The following OR2G6 variants were observed in gnomAD, a reference collection of about 807,000 sequenced individuals.
OR2G6 encodes the protein olfactory receptor 2G6.
For missense variants in OR2G6, 457 were observed against 391.3 expected, an observed-to-expected ratio of 1.17 and a Z score of -1.42; for synonymous variants, 183 against 155.2, an observed-to-expected ratio of 1.18 and a Z score of -1.33.
At position 248,526,814 on chromosome 1, in the gene OR2G6, A is replaced by C. The variant is rs1659133097; in HGVS notation, c.*4217A>C. On this transcript the variant is annotated 3_prime_UTR_variant, in exon 2 of 2. Transcript: ENST00000641804. ...AATATCTTTTGAGAAGTGTCTGTTC[A>C]TATCTTTCGCCCACTTTTTGATGGG... 6.6e-6 allele frequency: 1 copy of C among 150,826 alleles called. No individual in the cohort carries two copies. Among genetic ancestry groups the C allele is most frequent in the South Asian group, 2.1e-4 (1 of 4,776 alleles). 9.3% of individuals were successfully genotyped at this position (150,826 alleles called of 1,614,324 possible).
At position 248,520,468 on chromosome 1, in the gene OR2G6, TTATACA is replaced by T. The variant is rs1289001507; in HGVS notation, c.-36-1138_-36-1133del. ...CGATGTAATTCTACTTAGACAACTC[TTATACA>T]TATAGAGTAACATGTACACACATTT... On this transcript the variant is annotated intron_variant, in intron 1 of 1. Transcript: ENST00000641804. Among the ~76,000 whole-genome samples, 4 of 152,218 alleles carry T rather than the reference TTATACA, an allele frequency of 2.6e-5. No homozygotes were observed. In the East Asian group the frequency reaches 5.8e-4, roughly 22 times the overall value.
chr1:248,521,937 T>G lies in OR2G6; in HGVS notation c.291T>G (p.Cys97Trp). ...KKDKTMSYGG[C>W]VAQLYVAMGL... ...ACAAAACCATGAGCTACGGTGGCTGTGTGGCCCAGCTCTATGTGGCCATGG... is the reference window on the plus strand; with the variant it reads ...ACAAAACCATGAGCTACGGTGGCTGGGTGGCCCAGCTCTATGTGGCCATGG... The change falls in exon 2 of 2, where the codon TGT becomes TGG. Residue 97 changes from cysteine (C) to tryptophan (W), a missense_variant. By Grantham distance (215) the Cys-to-Trp change is radical (BLOSUM62 -2). Coordinates refer to ENST00000641804, the MANE Select transcript of OR2G6 (RefSeq NM_001013355.2). 6.2e-7 allele frequency: 1 copy of G among 1,614,150 alleles called. No individual in the cohort carries two copies. Among genetic ancestry groups the G allele is most frequent in the Non-Finnish European group, 8.5e-7 (1 of 1,180,024 alleles).
At chr1:248,519,462 T>A (rs547327271) in intron 1 of OR2G6, among the ~76,000 whole-genome samples, 2 of 151,372 alleles carry the variant, frequency 1.3e-5, no homozygotes, top group South Asian at 4.2e-4. Context: ...TTTATTGTTT[T>A]AGGTCTAACA....
rs976708946 is a variant in OR2G6, at chr1:248,527,019, G to C, written c.*4422G>C. On this transcript the variant is annotated 3_prime_UTR_variant, in exon 2 of 2. Coordinates refer to ENST00000641804, the MANE Select transcript of OR2G6 (RefSeq NM_001013355.2). Reference sequence around the variant, plus strand: ...AATTAGATCCCATTTGTCAATTTTGGCTTTTGTTGCCATTGCTTTTGGTGT... The same window carrying C: ...AATTAGATCCCATTTGTCAATTTTGCCTTTTGTTGCCATTGCTTTTGGTGT... 1 of 151,986 alleles carries C rather than the reference G, an allele frequency of 6.6e-6. No homozygotes were observed. Among genetic ancestry groups the C allele is most frequent in the African/African-American group, 2.4e-5 (1 of 41,364 alleles). The allele number at this position is 151,986 out of a possible 1,614,324, so 9.4% of individuals were successfully genotyped here. A position where few individuals can be genotyped will look rare whatever the true frequency, so the allele number is the denominator to read the frequency against.
At chr1:248,519,972 G>C (rs1247908663) in intron 1 of OR2G6, among the ~76,000 whole-genome samples, 3 of 4,174 alleles carry the variant, frequency 7.2e-4, no homozygotes, top group East Asian at 0.05. Context: ...AAGTCACATG[G>C]ACACATGTTT....
Position 248,508,958 on chromosome 1 carries a change from T to C in OR2G6, c.-37+529T>C, listed in dbSNP as rs1028065854. On this transcript the variant is annotated intron_variant, in intron 1 of 1. Coordinates refer to ENST00000641804, the MANE Select transcript of OR2G6 (RefSeq NM_001013355.2). The stretch of plus-strand genomic sequence containing the variant: ...TCCAGGTGATTATTGTAGCAAAACA[T>C]TTTAAGTTTTATTGAGATCGTTTGT... Among the ~76,000 whole-genome samples, 25 of 128,066 alleles carry C rather than the reference T, an allele frequency of 2.0e-4. 1 individual carries two copies. Among genetic ancestry groups the C allele is most frequent in the Admixed American group, 1.0e-3 (13 of 12,868 alleles). 84.0% of individuals were successfully genotyped at this position (128,066 alleles called of 152,430 possible).
rs370213386 is a variant in OR2G6, at chr1:248,525,058, ATTT to A, written c.*2464_*2466del. ...CATCATACATGTATAATTTCATACT[ATTT>A]TTATTTATAATGTGAGCATTTTTCT... On this transcript the variant is annotated 3_prime_UTR_variant, in exon 2 of 2. Transcript: ENST00000641804. 2.0e-5 allele frequency: 3 copies of A among 152,136 alleles called. No individual in the cohort carries two copies. The highest frequency in any genetic ancestry group is 6.5e-5 in the Admixed American group (1 of 15,282). 9.4% of individuals were successfully genotyped at this position (152,136 alleles called of 1,614,324 possible).
rs1428259508 is a variant in OR2G6 at position 248,520,443 on chromosome 1, C to T, written c.-36-1168C>T. ...TTAAAAAAAAGTTTGCTTTGGCTTT[C>T]GATGTAATTCTACTTAGACAACTCT... On this transcript the variant is annotated intron_variant, in intron 1 of 1. Transcript: ENST00000641804. 6.6e-5 allele frequency among the ~76,000 whole-genome samples: 10 copies of T among 152,182 alleles called. No individual in the cohort carries two copies. The East Asian group carries it at 9.6e-4, about 15-fold the overall frequency.
intron 1 of OR2G6, among the ~76,000 whole-genome samples, chr1:248,520,310 G>C (rs190107467): frequency 6.6e-6 from 1 of 152,130 alleles, no homozygotes; most frequent in Non-Finnish European, 1.5e-5. Context: ...ATAGCATTAG[G>C]AGAAATACCT....
At position 248,523,095 on chromosome 1, in the gene OR2G6, CCATA is replaced by C; in HGVS notation, c.*499_*502del. On this transcript the variant is annotated 3_prime_UTR_variant, in exon 2 of 2. Coordinates refer to ENST00000641804, the MANE Select transcript of OR2G6 (RefSeq NM_001013355.2). ...GAATTAACTGTTTCATAATATGTTT[CCATA>C]GCACTTGATCCACACTACCATTTCT... The C allele has an allele frequency of 6.4e-6, 1 of 156,110 alleles. No individual in the cohort carries two copies. Among genetic ancestry groups the C allele is most frequent in the Admixed American group, 6.2e-5 (1 of 16,114 alleles). 9.7% of individuals were successfully genotyped at this position (156,110 alleles called of 1,614,324 possible). A position where few individuals can be genotyped will look rare whatever the true frequency, so the allele number is the denominator to read the frequency against.
chr1:248,520,855 AAT>A (rs1553328184), intron 1 of OR2G6, among the ~76,000 whole-genome samples: 5 of 90,566 alleles, frequency 5.5e-5, no homozygotes, highest in African/African-American at 1.6e-4. Flanking sequence ...ACTAAAAAAA[AAT>A]ATATATATAT....
At position 248,521,964 on chromosome 1, in the gene OR2G6, G is replaced by T. The variant is rs756883041; in HGVS notation, c.318G>T (p.Gly106=). The T allele has an allele frequency of 2.0e-5, 32 of 1,614,154 alleles. No homozygotes were observed. The highest frequency in any genetic ancestry group is 2.7e-5 in the Non-Finnish European group (32 of 1,180,024). Residue 106 remains glycine (G), a synonymous_variant, in exon 2 of 2, where the codon GGG becomes GGT. Coordinates refer to ENST00000641804, the MANE Select transcript of OR2G6 (RefSeq NM_001013355.2). ...GCVAQLYVAM[G]LGSSECILLA... is the part of the protein sequence containing the mutation. ...TGGCCCAGCTCTATGTGGCCATGGG[G>T]TTGGGCTCGTCTGAGTGTATTCTCT...
chr1:248,509,000 C>T (rs1664205996), intron 1 of OR2G6, among the ~76,000 whole-genome samples: 1 of 110,140 alleles, frequency 9.1e-6, no homozygotes, highest in African/African-American at 4.2e-5. Context: ...TAAATTTGTT[C>T]ATCATAATAT....
chr1:248,519,976 C>CGT (rs1553328030), intron 1 of OR2G6, among the ~76,000 whole-genome samples: 5 of 152,178 alleles, frequency 3.3e-5, no homozygotes, highest in African/African-American at 7.2e-5. Flanking sequence ...CACATGGACA[C>CGT]ATGTTTATTG....
rs1044168778 is a variant in OR2G6, at chr1:248,525,128, C to T, written c.*2531C>T. On this transcript the variant is annotated 3_prime_UTR_variant, in exon 2 of 2. Coordinates refer to ENST00000641804, the MANE Select transcript of OR2G6 (RefSeq NM_001013355.2). ...ATCCACCATTTATTAAAAATCTTCC[C>T]TATAATTGAATAACATGAGTAGTTT... 1.4e-4 allele frequency: 21 copies of T among 152,026 alleles called. No homozygotes were observed. The highest frequency in any genetic ancestry group is 2.4e-4 in the Non-Finnish European group (16 of 67,992). 9.4% of individuals were successfully genotyped at this position (152,026 alleles called of 1,614,324 possible).
Position 248,521,894 on chromosome 1 carries a change from T to A in OR2G6, c.248T>A (p.Val83Asp), listed in dbSNP as rs1443806085. ...ACCAGTGTTGCCCCACAGTTGCTGGTTACCATGAATAAGAAAGACAAAACC... is the reference window on the plus strand; with the variant it reads ...ACCAGTGTTGCCCCACAGTTGCTGGATACCATGAATAAGAAAGACAAAACC... ...FTTSVAPQLL[V>D]TMNKKDKTMS... Residue 83 changes from valine to aspartate, a missense_variant, in exon 2 of 2, where the codon GTT becomes GAT. Transcript: ENST00000641804. The A allele has an allele frequency of 6.2e-7, 1 of 1,614,192 alleles. No homozygotes were observed. The highest frequency in any genetic ancestry group is 1.1e-5 in the South Asian group (1 of 91,082).
Position 248,522,271 on chromosome 1 carries a change from G to C in OR2G6, c.625G>C (p.Val209Leu), listed in dbSNP as rs559171354. The change falls in exon 2 of 2, where the codon GTC becomes CTC. Residue 209 changes from valine to leucine, a missense_variant. By Grantham distance (32) the Val-to-Leu change is conservative. Coordinates refer to ENST00000641804, the MANE Select transcript of OR2G6 (RefSeq NM_001013355.2). ...TGTGGCCAGTGTAGTCTTTCTAATTGTCCCGGTGTTACTCATCTTAGTCTC... is the reference window on the plus strand; with the variant it reads ...TGTGGCCAGTGTAGTCTTTCTAATTCTCCCGGTGTTACTCATCTTAGTCTC... Reference protein sequence around the residue: ...LFVASVVFLIVPVLLILVSYG... With the variant: ...LFVASVVFLILPVLLILVSYG... 3.1e-6 allele frequency: 5 copies of C among 1,614,068 alleles called. No individual in the cohort carries two copies. Among genetic ancestry groups the C allele is most frequent in the Non-Finnish European group, 4.2e-6 (5 of 1,180,006 alleles).
chr1:248,521,917 A>C lies in OR2G6; in HGVS notation c.271A>C (p.Thr91Pro), dbSNP rs1311283685. Reference sequence around the variant, plus strand: ...GGTTACCATGAATAAGAAAGACAAAACCATGAGCTACGGTGGCTGTGTGGC... The same window carrying C: ...GGTTACCATGAATAAGAAAGACAAACCCATGAGCTACGGTGGCTGTGTGGC... The part of the protein sequence containing the change: ...LLVTMNKKDK[T>P]MSYGGCVAQL... Residue 91 changes from threonine (T) to proline (P), a missense_variant, in exon 2 of 2, where the codon ACC becomes CCC. By Grantham distance (38) the Thr-to-Pro change is conservative. Coordinates refer to ENST00000641804, the MANE Select transcript of OR2G6 (RefSeq NM_001013355.2). The C allele has an allele frequency of 6.2e-7, 1 of 1,614,034 alleles. No individual in the cohort carries two copies. Among genetic ancestry groups the C allele is most frequent in the Admixed American group, 1.7e-5 (1 of 60,010 alleles).
Position 248,526,958 on chromosome 1 carries a change from G to T in OR2G6, c.*4361G>T, listed in dbSNP as rs1426378541. 6.6e-6 allele frequency: 1 copy of T among 152,056 alleles called. No individual in the cohort carries two copies. The allele number at this position is 152,056 out of a possible 1,614,324, so 9.4% of individuals were successfully genotyped here. On this transcript the variant is annotated 3_prime_UTR_variant, in exon 2 of 2. Transcript: ENST00000641804. ...CTCTAGGTTGCCTGTACACTCTGATGGTAGTTTCTTTTGCTGTGCAGAAGC... is the reference window on the plus strand; with the variant it reads ...CTCTAGGTTGCCTGTACACTCTGATTGTAGTTTCTTTTGCTGTGCAGAAGC...
Sources: gnomAD v4.1 joint callset for allele counts (sites outside exome capture counted in the v4.1 genomes callset) on GRCh38, gnomAD v4.1.1 for gene constraint, MANE v1.5 for transcripts, NCBI Gene and HGNC (gene_info 2026-07-23, HGNC 2026-07-21) for gene names.